Variants in ANKS1B observed in about 807,000 individuals in gnomAD.
The protein encoded by ANKS1B is ankyrin repeat and sterile alpha motif domain containing 1B.
In ANKS1B, 36 loss-of-function variants were observed where a neutral mutation model predicts 148.3. The observed-to-expected ratio is 0.24, with a 90% confidence interval of 0.19 to 0.32. The LOEUF is 0.32. Among genes scored for constraint, ANKS1B ranks in the 10% least tolerant of loss-of-function variants. ANKS1B has a pLI of 1.00. For synonymous variants in ANKS1B, 542 were observed against 560.8 expected (o/e 0.97, Z 0.47); for missense variants, 1,157 against 1,542.6 (o/e 0.75, Z 4.19).
intron 19 of ANKS1B, among the ~76,000 whole-genome samples, chr12:98,811,952 TA>T (rs993142176): frequency 1.1e-4 from 16 of 151,902 alleles, no homozygotes; most frequent in Non-Finnish European, 1.8e-4. Flanking sequence ...CTTATTTCAT[TA>T]AAAAAAATCA....
intron 17 of ANKS1B, among the ~76,000 whole-genome samples, chr12:98,959,551 A>G (rs1276470892): frequency 1.3e-5 from 2 of 152,226 alleles, no homozygotes; most frequent in African/African-American, 4.8e-5. Flanking sequence ...AAAAGCTTCA[A>G]CCAATTGTCC....
At chr12:99,590,258 C>CACCCACA in intron 9 of ANKS1B, among the ~76,000 whole-genome samples, 1 of 132,870 alleles carries the variant, frequency 7.5e-6, no homozygotes, top group East Asian at 2.9e-4. Flanking sequence ...CCACACCCAC[C>CACCCACA]CACACACACA....
intron 3 of ANKS1B, among the ~76,000 whole-genome samples, chr12:99,811,314 C>T (rs1214492667): frequency 6.6e-6 from 1 of 151,828 alleles, no homozygotes; most frequent in Non-Finnish European, 1.5e-5. Context: ...AACCTACTTG[C>T]ATTGATATTG....
chr12:99,465,238 A>AT (rs1294033337), intron 10 of ANKS1B, among the ~76,000 whole-genome samples: 2 of 152,184 alleles, frequency 1.3e-5, no homozygotes, highest in African/African-American at 2.4e-5. Context: ...AGACAAGCAA[A>AT]TGCTGAGAGA....
intron 12 of ANKS1B, among the ~76,000 whole-genome samples, chr12:99,393,266 C>T (rs1333575504): frequency 6.6e-6 from 1 of 152,172 alleles, no homozygotes; most frequent in Non-Finnish European, 1.5e-5. Flanking sequence ...AATATCTTAG[C>T]AGATGGGTTC....
chr12:99,228,320 G>A (rs2086274450), intron 14 of ANKS1B, among the ~76,000 whole-genome samples: 2 of 152,116 alleles, frequency 1.3e-5, no homozygotes, highest in Admixed American at 1.3e-4. Flanking sequence ...GTAAGGTACA[G>A]CTATGATTTA....
In ANKS1B at chr12:99,541,232, AAAAC is replaced by A. The variant is rs199497923; in HGVS notation, c.1273-36595_1273-36592del. On this transcript the variant is annotated intron_variant, in intron 9 of 26. Coordinates refer to ENST00000683438, the MANE Select transcript of ANKS1B (RefSeq NM_001352186.2). Reference sequence around the variant, plus strand: ...ATCCCTCACAAATGCTTCTTTAAAAAAAACAAACAAACAAAAAACACAAAAAAGG... The same window carrying A: ...ATCCCTCACAAATGCTTCTTTAAAAAAAACAAACAAAAAACACAAAAAAGG... 1.1e-3 allele frequency among the ~76,000 whole-genome samples: 160 copies of A among 152,264 alleles called. 3 individuals carry two copies. In the East Asian group the frequency reaches 0.027, roughly 26 times the overall value.
At chr12:99,095,788 C>T (rs569172829) in intron 15 of ANKS1B, among the ~76,000 whole-genome samples, 2 of 152,252 alleles carry the variant, frequency 1.3e-5, no homozygotes, top group Non-Finnish European at 2.9e-5. Context: ...TGAAAGTTAT[C>T]AGATCCAAGT....
At position 99,512,185 on chromosome 12, in the gene ANKS1B, A is replaced by G. The variant is rs780012558; in HGVS notation, c.1273-7544T>C. On this transcript the variant is annotated intron_variant, in intron 9 of 26. Transcript: ENST00000683438. ...TCCATCTGACAAAAGTCTAATATCC[A>G]GAATCTATAAGGAAGTTAAATATAT... 2.8e-3 allele frequency among the ~76,000 whole-genome samples: 423 copies of G among 152,222 alleles called. 1 individual carries two copies. The highest frequency in any genetic ancestry group is 4.1e-3 in the Non-Finnish European group (282 of 67,984).
intron 1 of ANKS1B, among the ~76,000 whole-genome samples, chr12:99,981,992 A>G (rs2095709465): frequency 6.6e-6 from 1 of 152,184 alleles, no homozygotes; most frequent in African/African-American, 2.4e-5. Flanking sequence ...GTGCCTTCTT[A>G]GGAATGTCAT....
chr12:99,308,510 T>C (rs2082660595), intron 12 of ANKS1B, among the ~76,000 whole-genome samples: 1 of 152,056 alleles, frequency 6.6e-6, no homozygotes. Flanking sequence ...TGTCTATTTC[T>C]GTATTAATTC....
intron 12 of ANKS1B, among the ~76,000 whole-genome samples, chr12:99,263,550 T>C (rs918604739): frequency 6.6e-6 from 1 of 152,102 alleles, no homozygotes; most frequent in African/African-American, 2.4e-5. Flanking sequence ...AGCAATTACT[T>C]CAAAGAGATA....
At position 98,918,071 on chromosome 12, in the gene ANKS1B, C is replaced by T. The variant is rs554797277; in HGVS notation, c.2779-85935G>A. Among the ~76,000 whole-genome samples the T allele has an allele frequency of 1.3e-3, 204 of 152,322 alleles. 2 individuals are homozygous for T. The highest frequency in any genetic ancestry group is 4.0e-3 in the African/African-American group (167 of 41,590). ...AGTATACACAGGCAGTGGAACTATG[C>T]TATACAGGCCAAGATGATACCTACC... On this transcript the variant is annotated intron_variant, in intron 17 of 26. Coordinates refer to ENST00000683438, the MANE Select transcript of ANKS1B (RefSeq NM_001352186.2).
intron 12 of ANKS1B, among the ~76,000 whole-genome samples, chr12:99,315,983 C>G (rs547021620): frequency 3.3e-5 from 5 of 152,126 alleles, no homozygotes; most frequent in Non-Finnish European, 4.4e-5. Flanking sequence ...AACCATGTCC[C>G]TACAAAGGAC....
At chr12:99,551,939 T>TC (rs1176064906) in intron 9 of ANKS1B, among the ~76,000 whole-genome samples, 5 of 151,942 alleles carry the variant, frequency 3.3e-5, no homozygotes, top group South Asian at 2.1e-4. Context: ...AAGGGCCACC[T>TC]CCCCCCACCA....
intron 15 of ANKS1B, among the ~76,000 whole-genome samples, chr12:99,129,660 T>C (rs2065518174): frequency 6.6e-6 from 1 of 152,180 alleles, no homozygotes; most frequent in East Asian, 1.9e-4. Context: ...GCTGTCAGTC[T>C]AGACAGAGAC....
intron 4 of ANKS1B, 69 bp from the exon 5 acceptor site, chr12:99,782,166 T>C: frequency 7.9e-7 from 1 of 1,262,678 alleles, no homozygotes; most frequent in Non-Finnish European, 1.1e-6. Context: ...TGAAATAAAA[T>C]GCTCACATTT....
rs28626753 is a variant in ANKS1B, at chr12:99,008,391, A to T, written c.2778+44766T>A. On this transcript the variant is annotated intron_variant, in intron 17 of 26. Transcript: ENST00000683438. ...TAATCTAAATTATGAATGATAAAAA[A>T]GCCTGGCAAATCAATGAGAGAACTT... 1.4e-3 allele frequency among the ~76,000 whole-genome samples: 211 copies of T among 152,250 alleles called. 1 individual carries two copies. The highest frequency in any genetic ancestry group is 4.3e-3 in the African/African-American group (177 of 41,534).
intron 10 of ANKS1B, among the ~76,000 whole-genome samples, chr12:99,457,747 C>T (rs997085680): frequency 1.6e-4 from 24 of 152,098 alleles, no homozygotes; most frequent in African/African-American, 5.1e-4. Context: ...AATATACATG[C>T]ACCTAACACT....
Sources: gnomAD v4.1 joint callset for allele counts (sites outside exome capture counted in the v4.1 genomes callset) on GRCh38, gnomAD v4.1.1 for gene constraint, MANE v1.5 for transcripts, NCBI Gene and HGNC (gene_info 2026-07-23, HGNC 2026-07-21) for gene names.